The following FAM135B variants were observed in gnomAD, a reference collection of about 807,000 sequenced individuals.
FAM135B encodes the protein family with sequence similarity 135 member B.
In FAM135B, 43 loss-of-function variants were observed where a neutral mutation model predicts 127.7. The ratio of observed to expected loss-of-function variants is 0.34; its 90% CI spans 0.26 to 0.43. FAM135B has a LOEUF of 0.43. Ranked by LOEUF, FAM135B falls within the 20% of genes least tolerant of loss-of-function variation. The pLI, the probability that FAM135B is intolerant of heterozygous loss-of-function variation, is 1.00. For missense variants in FAM135B, 1,558 were observed against 1,725.6 expected (o/e 0.90, Z 1.72); for synonymous variants, 670 against 665.1 (o/e 1.01, Z -0.11).
chr8:138,420,080 G>T lies in FAM135B; in HGVS notation c.-19-52078C>A, dbSNP rs76379464. Among the ~76,000 whole-genome samples the T allele has an allele frequency of 6.8e-3, 1,028 of 152,062 alleles. 5 individuals are homozygous for T. The highest frequency in any genetic ancestry group is 0.01 in the Middle Eastern group (3 of 294). On this transcript the variant is annotated intron_variant, in intron 1 of 19. Coordinates refer to ENST00000395297, the MANE Select transcript of FAM135B (RefSeq NM_015912.4). ...TGGTTCTTTGAAAAAATAAGTAATA[G>T]TGATAGACCTCTAACTGGACTAATA...
At position 138,141,061 on chromosome 8, in the gene FAM135B, A is replaced by G. The variant is rs559406963; in HGVS notation, c.3790+137T>C. The G allele has an allele frequency of 2.8e-4, 215 of 779,314 alleles. 1 individual carries two copies. The highest frequency in any genetic ancestry group is 1.8e-3 in the African/African-American group (105 of 57,054). The allele number at this position is 779,314 out of a possible 1,614,324, so 48.3% of individuals were successfully genotyped here. A position where few individuals can be genotyped will look rare whatever the true frequency, so the allele number is the denominator to read the frequency against. On this transcript the variant is annotated intron_variant, in intron 17 of 19. Coordinates refer to ENST00000395297, the MANE Select transcript of FAM135B (RefSeq NM_015912.4). The surrounding 1 kb of genome is among the most constrained non-coding windows in gnomAD (Gnocchi z 4.7). ...ACACAAGGGCCACACCTCTAAGGCC[A>G]GGACTCCTCCCTCCATGCCATGCTT... is the stretch of plus-strand genomic sequence containing the variant.
chr8:138,295,886 T>TA (rs924620823), intron 3 of FAM135B, among the ~76,000 whole-genome samples: 102 of 151,976 alleles, frequency 6.7e-4, no homozygotes, highest in Middle Eastern at 6.8e-3. Context: ...AGGAAATAAA[T>TA]AAAAAAATTG....
chr8:138,235,771 T>A (rs181096665), intron 7 of FAM135B, among the ~76,000 whole-genome samples: 1 of 152,290 alleles, frequency 6.6e-6, no homozygotes, highest in East Asian at 1.9e-4. Context: ...TCTTGTCCAG[T>A]GTGAGCATTA....
At chr8:138,336,124 T>A (rs1451762353) in intron 2 of FAM135B, among the ~76,000 whole-genome samples, 1 of 151,992 alleles carries the variant, frequency 6.6e-6, no homozygotes, top group Non-Finnish European at 1.5e-5. Context: ...GAGGGAAATT[T>A]ATAGCACTAA....
intron 11 of FAM135B, among the ~76,000 whole-genome samples, chr8:138,168,945 T>G (rs892690732): frequency 1.3e-5 from 2 of 152,180 alleles, no homozygotes; most frequent in African/African-American, 4.8e-5. Flanking sequence ...GCTCGGCCTC[T>G]GGAAGCCCCC....
At chr8:138,467,691 T>C (rs897568115) in intron 1 of FAM135B, among the ~76,000 whole-genome samples, 1 of 152,172 alleles carries the variant, frequency 6.6e-6, no homozygotes, top group African/African-American at 2.4e-5. Context: ...ATGTTATGGG[T>C]GCAGTGTTGA....
chr8:138,274,771 C>T (rs930697819), intron 3 of FAM135B, among the ~76,000 whole-genome samples: 1 of 152,150 alleles, frequency 6.6e-6, no homozygotes, highest in African/African-American at 2.4e-5. Flanking sequence ...AGCAATATTT[C>T]TCCCATTTGC....
chr8:138,467,419 ATTTCC>A (rs1257225991), intron 1 of FAM135B, among the ~76,000 whole-genome samples: 1 of 152,160 alleles, frequency 6.6e-6, no homozygotes, highest in Admixed American at 6.5e-5. Context: ...TTAAAAATTC[ATTTCC>A]TTTATTTTAC....
At chr8:138,404,169 TAATAAA>T (rs1182842425) in intron 1 of FAM135B, among the ~76,000 whole-genome samples, 1 of 152,086 alleles carries the variant, frequency 6.6e-6, no homozygotes, top group Non-Finnish European at 1.5e-5. Flanking sequence ...AATAAATAAA[TAATAAA>T]AATAACTATT....
intron 3 of FAM135B, among the ~76,000 whole-genome samples, chr8:138,289,394 TACTC>T (rs1482070119): frequency 6.6e-6 from 1 of 152,202 alleles, no homozygotes; most frequent in Non-Finnish European, 1.5e-5. Flanking sequence ...ATTGTTCAGT[TACTC>T]AATCAATAAA....
chr8:138,410,569 C>T (rs373596157), intron 1 of FAM135B, among the ~76,000 whole-genome samples: 33 of 152,148 alleles, frequency 2.2e-4, no homozygotes, highest in African/African-American at 6.7e-4. Flanking sequence ...AAACATAAAC[C>T]GAAACCATAA....
chr8:138,323,875 A>G (rs1461100888), intron 2 of FAM135B, among the ~76,000 whole-genome samples: 5 of 152,234 alleles, frequency 3.3e-5, no homozygotes, highest in Non-Finnish European at 4.4e-5. Flanking sequence ...ACTTTTGTGT[A>G]GAAGTAAAGC....
intron 1 of FAM135B, among the ~76,000 whole-genome samples, chr8:138,436,319 A>G (rs1835454440): frequency 6.6e-6 from 1 of 152,188 alleles, no homozygotes; most frequent in South Asian, 2.1e-4. Flanking sequence ...TCTTCCATTT[A>G]TCTGGAAAAT....
intron 7 of FAM135B, among the ~76,000 whole-genome samples, chr8:138,239,851 GAC>G (rs1820596509): frequency 6.6e-6 from 1 of 152,174 alleles, no homozygotes; most frequent in South Asian, 2.1e-4. Context: ...CCTTTGTAGG[GAC>G]ATGGATGAAG....
intron 3 of FAM135B, among the ~76,000 whole-genome samples, chr8:138,281,546 C>T (rs1425961987): frequency 6.6e-6 from 1 of 152,074 alleles, no homozygotes; most frequent in Admixed American, 6.5e-5. Flanking sequence ...CCACATTATA[C>T]TTGGATTCTT....
At chr8:138,376,360 T>A (rs1159847261) in intron 1 of FAM135B, among the ~76,000 whole-genome samples, 1 of 152,188 alleles carries the variant, frequency 6.6e-6, no homozygotes, top group East Asian at 1.9e-4. Flanking sequence ...ACCCTAGGAA[T>A]GCTGATCAGC....
chr8:138,251,845 C>T (rs931641152), intron 5 of FAM135B, among the ~76,000 whole-genome samples: 1 of 152,120 alleles, frequency 6.6e-6, no homozygotes, highest in Non-Finnish European at 1.5e-5. Flanking sequence ...AAGCAGACCA[C>T]AAGGGAAACC....
intron 15 of FAM135B, chr8:138,144,418 A>G (rs963263046): frequency 1.3e-5 from 2 of 152,180 alleles, no homozygotes; most frequent in Admixed American, 1.3e-4. Flanking sequence ...TTCAAAAACA[A>G]ACAAAAATAG....
chr8:138,162,056 G>A (rs1427718233), intron 12 of FAM135B, among the ~76,000 whole-genome samples: 1 of 152,108 alleles, frequency 6.6e-6, no homozygotes, highest in Non-Finnish European at 1.5e-5. Context: ...ATATCATTTA[G>A]TCCCACACAC....
Sources: allele counts gnomAD v4.1 joint callset (sites outside exome capture counted in the v4.1 genomes callset), GRCh38; gene constraint gnomAD v4.1.1; non-coding constraint Gnocchi (gnomAD v3.1); transcripts MANE v1.5; gene names NCBI Gene and HGNC (gene_info 2026-07-23, HGNC 2026-07-21).